The following CCDC93 variants were observed in gnomAD, a reference collection of about 807,000 sequenced individuals.
The protein encoded by CCDC93 is CCC complex scaffolding subunit CCDC93, also known as coiled-coil domain-containing protein 93.
CCDC93 carries 61 observed loss-of-function variants against 108.2 expected under a neutral mutation model. The ratio of observed to expected loss-of-function variants is 0.56; its 90% CI spans 0.46 to 0.70. CCDC93 has a LOEUF of 0.70. Among genes scored for constraint, CCDC93 ranks in the 30% least tolerant of loss-of-function variants. The pLI, the probability that CCDC93 is intolerant of heterozygous loss-of-function variation, is 0.00. For synonymous variants in CCDC93, 276 were observed against 260.4 expected (o/e 1.06, Z -0.58); for missense variants, 685 against 764.2 (o/e 0.90, Z 1.22).
chr2:117,955,621 A>C (rs1679193449), intron 12 of CCDC93, among the ~76,000 whole-genome samples: 1 of 152,126 alleles, frequency 6.6e-6, no homozygotes, highest in African/African-American at 2.4e-5. Context: ...CAGCCTGCTT[A>C]ATTTCTGTGT....
chr2:117,962,473 A>AT (rs11390285), intron 11 of CCDC93, among the ~76,000 whole-genome samples: 147,606 of 152,248 alleles, frequency 0.97, 71,738 homozygotes, highest in Middle Eastern at 1. Flanking sequence ...GTGAAACCCT[A>AT]CTCTACTAAA....
At chr2:117,976,106 C>T (rs535719557) in intron 8 of CCDC93, among the ~76,000 whole-genome samples, 51 of 152,280 alleles carry the variant, frequency 3.3e-4, no homozygotes, top group African/African-American at 1.2e-3. Context: ...ACCATCCCAA[C>T]TCTAGGATGC....
At chr2:118,004,266 T>C (rs886443326) in intron 3 of CCDC93, among the ~76,000 whole-genome samples, 3 of 152,246 alleles carry the variant, frequency 2.0e-5, no homozygotes, top group Admixed American at 6.5e-5. Flanking sequence ...ATAAAATGTT[T>C]GTTGTTGAAA....
Position 117,996,365 on chromosome 2 carries a change from G to C in CCDC93, c.364-3C>G. On this transcript the variant is annotated splice_region_variant and splice_polypyrimidine_tract_variant and intron_variant, in intron 4 of 23. Transcript: ENST00000376300. ...TCTATAGCTCGTTTCACCAGCCACT[G>C]GGGAAGAAAGTGAAAAGACAAGAGT... 6.2e-7 allele frequency: 1 copy of C among 1,605,384 alleles called. No individual in the cohort carries two copies.
In CCDC93 at chr2:117,949,351, G is replaced by C. The variant is rs777954784; in HGVS notation, c.1113C>G (p.Leu371=). The change falls in exon 14 of 24, where the codon CTC becomes CTG. Residue 371 remains leucine, a synonymous_variant. Coordinates refer to ENST00000376300, the MANE Select transcript of CCDC93 (RefSeq NM_019044.5). ...SEKLDKEQAA[L]EKIESKADPS... ...GATCAGCTTTGGATTCTATCTTCTC[G>C]AGGGCTGCTTGCTCTTTGTCCAGTT... The C allele has an allele frequency of 2.5e-6, 4 of 1,613,720 alleles. No individual in the cohort carries two copies. The highest frequency in any genetic ancestry group is 2.2e-5 in the East Asian group (1 of 44,876).
chr2:117,966,561 C>T (rs1350239602), intron 11 of CCDC93, among the ~76,000 whole-genome samples: 1 of 152,218 alleles, frequency 6.6e-6, no homozygotes, highest in African/African-American at 2.4e-5. Context: ...AGTGACAGAA[C>T]TGAAGAGGCA....
rs757971766 is a variant in CCDC93, at chr2:117,996,327, C to T, written c.399G>A (p.Glu133=). 13 of 1,613,702 alleles carry T rather than the reference C, an allele frequency of 8.1e-6. No individual in the cohort carries two copies. Among genetic ancestry groups the T allele is most frequent in the South Asian group, 1.1e-5 (1 of 91,082 alleles). ...AGTAGGAGCGGATATAGTCACCCAT[C>T]TCTTCTTTTGTTTCTATAGCTCGTT... ...LVKRAIETKE[E]MGDYIRSYSV... Residue 133 remains glutamate (E), a synonymous_variant, in exon 5 of 24, where the codon GAG becomes GAA. Coordinates refer to ENST00000376300, the MANE Select transcript of CCDC93 (RefSeq NM_019044.5).
chr2:117,920,492 G>GA, intron 23 of CCDC93, 96 bp from the exon 24 acceptor site: 13 of 784,388 alleles, frequency 1.7e-5, no homozygotes, highest in Non-Finnish European at 2.5e-5. Context: ...ATCCCTATGG[G>GA]AGACATCTCC....
rs1383178921 is a variant in CCDC93, at chr2:117,938,282, T to C, written c.1605+747A>G. ...AGCCCGTGTTCTCTTCAGGACACTA[T>C]GCTGCCATGGTGAAGACCAGGACTG... On this transcript the variant is annotated intron_variant, in intron 20 of 23. Coordinates refer to ENST00000376300, the MANE Select transcript of CCDC93 (RefSeq NM_019044.5). Among the ~76,000 whole-genome samples, 4 of 152,222 alleles carry C rather than the reference T, an allele frequency of 2.6e-5. No individual in the cohort carries two copies. The East Asian group carries it at 7.7e-4, about 29-fold the overall frequency.
At chr2:117,969,422 A>AGCTGTGCCCAACT (rs1294496715) in intron 11 of CCDC93, among the ~76,000 whole-genome samples, 1 of 152,238 alleles carries the variant, frequency 6.6e-6, no homozygotes, top group Non-Finnish European at 1.5e-5. Context: ...GGTGCTGCTA[A>AGCTGTGCCCAACT]GCTGTGCCCA....
Position 118,003,832 on chromosome 2 carries a change from G to T in CCDC93, c.251+2890C>A, listed in dbSNP as rs545508454. ...CATGGAGGAAAATGCAGGCAGGCTG[G>T]GGGTAGGGAAAGAAAGTGAGAAAGA... On this transcript the variant is annotated intron_variant, in intron 3 of 23. Transcript: ENST00000376300. 3.9e-5 allele frequency among the ~76,000 whole-genome samples: 6 copies of T among 152,284 alleles called. No individual in the cohort carries two copies. In the South Asian group the frequency reaches 1.2e-3, roughly 32 times the overall value.
At chr2:117,981,571 T>C (rs1021749017) in intron 7 of CCDC93, among the ~76,000 whole-genome samples, 1 of 152,162 alleles carries the variant, frequency 6.6e-6, no homozygotes, top group African/African-American at 2.4e-5. Context: ...ACCTTAGTCA[T>C]AGGACCCAGT....
intron 14 of CCDC93, among the ~76,000 whole-genome samples, chr2:117,948,988 G>T (rs1409794663): frequency 2.0e-5 from 3 of 152,224 alleles, no homozygotes; most frequent in African/African-American, 4.8e-5. Context: ...AGAATTGGGT[G>T]GCTGGGGACA....
intron 6 of CCDC93, among the ~76,000 whole-genome samples, chr2:117,991,291 A>C (rs9789350): frequency 0.97 from 148,082 of 152,266 alleles, 72,146 homozygotes; most frequent in Middle Eastern, 1. Context: ...TCGTAAGGAA[A>C]TGAAGAGGTG....
intron 6 of CCDC93, among the ~76,000 whole-genome samples, chr2:117,994,395 G>A (rs1680579523): frequency 6.6e-6 from 1 of 151,972 alleles, no homozygotes; most frequent in Admixed American, 6.6e-5. Context: ...CCTTCCCAAA[G>A]GTTTTCCACC....
intron 16 of CCDC93, among the ~76,000 whole-genome samples, chr2:117,946,131 T>C (rs1359343296): frequency 6.6e-6 from 1 of 152,108 alleles, no homozygotes; most frequent in Admixed American, 6.5e-5. Flanking sequence ...CCGCTGGGCA[T>C]GGCAGTGTCC....
chr2:117,918,080 AC>A lies in CCDC93; in HGVS notation c.*2262del, dbSNP rs1677743345. ...ACAGAGCCATAGCCCTGGGAAGATG[AC>A]CCCTTCTGGTGCTCCAGGTGGCTTC... On this transcript the variant is annotated 3_prime_UTR_variant, in exon 24 of 24. Coordinates refer to ENST00000376300, the MANE Select transcript of CCDC93 (RefSeq NM_019044.5). 1 of 152,106 alleles carries A rather than the reference AC, an allele frequency of 6.6e-6. No homozygotes were observed. The highest frequency in any genetic ancestry group is 1.5e-5 in the Non-Finnish European group (1 of 68,044). The allele number at this position is 152,106 out of a possible 1,614,324, so 9.4% of individuals were successfully genotyped here.
chr2:117,931,274 A>G (rs1313686108), intron 22 of CCDC93, 124 bp from the exon 23 acceptor site: 2 of 644,262 alleles, frequency 3.1e-6, no homozygotes, highest in African/African-American at 3.6e-5. Flanking sequence ...GGAAGCTTCA[A>G]TATATAATTT....
chr2:117,964,259 A>G (rs576428606), intron 11 of CCDC93, among the ~76,000 whole-genome samples: 20 of 152,328 alleles, frequency 1.3e-4, no homozygotes, highest in East Asian at 1.9e-4. Flanking sequence ...CTGGCCCTTC[A>G]TAATCTAGCC....
Sources: gnomAD v4.1 joint callset for allele counts (sites outside exome capture counted in the v4.1 genomes callset) on GRCh38, gnomAD v4.1.1 for gene constraint, MANE v1.5 for transcripts, NCBI Gene and HGNC (gene_info 2026-07-23, HGNC 2026-07-21) for gene names.